The following FER variants were observed in gnomAD, a reference collection of about 807,000 sequenced individuals.
The protein encoded by FER is FER tyrosine kinase.
Under a neutral mutation model 111.0 loss-of-function variants are expected in FER, and 63 were observed. The ratio of observed to expected loss-of-function variants is 0.57; its 90% CI spans 0.46 to 0.70. The LOEUF (loss-of-function observed/expected upper bound fraction) is 0.70. FER is among the 30% of genes least tolerant of loss of function. FER has a pLI of 0.00. For missense variants in FER, 914 were observed against 954.0 expected (o/e 0.96, Z 0.55); for synonymous variants, 327 against 313.9 (o/e 1.04, Z -0.44).
chr5:109,086,126 A>G (rs942825927), intron 16 of FER, among the ~76,000 whole-genome samples: 2 of 151,606 alleles, frequency 1.3e-5, no homozygotes, highest in African/African-American at 2.4e-5. Context: ...TTTCTTAAGT[A>G]TTTTATAGAA....
chr5:108,753,493 G>C (rs1750727648), intron 1 of FER, among the ~76,000 whole-genome samples: 1 of 152,052 alleles, frequency 6.6e-6, no homozygotes, highest in Middle Eastern at 3.4e-3. Context: ...TTTTTGCCTA[G>C]ATGATCATGT....
chr5:108,969,761 A>G (rs1760386436), intron 13 of FER, among the ~76,000 whole-genome samples: 1 of 148,084 alleles, frequency 6.8e-6, no homozygotes, highest in Admixed American at 6.6e-5. Flanking sequence ...CATGCTATAT[A>G]TTGTTAAAGT....
intron 13 of FER, among the ~76,000 whole-genome samples, chr5:108,988,913 G>A (rs1277325593): frequency 6.6e-6 from 1 of 152,072 alleles, no homozygotes; most frequent in Non-Finnish European, 1.5e-5. Context: ...ACTTTTTGAT[G>A]TAGACATTTA....
In FER at chr5:109,188,615, C is replaced by T. The variant is rs969562819; in HGVS notation, c.*1040C>T. The T allele has an allele frequency of 6.6e-6, 1 of 152,050 alleles. No individual in the cohort carries two copies. The highest frequency in any genetic ancestry group is 1.5e-5 in the Non-Finnish European group (1 of 68,000). The allele number at this position is 152,050 out of a possible 1,614,324, so 9.4% of individuals were successfully genotyped here. A position where few individuals can be genotyped will look rare whatever the true frequency, so the allele number is the denominator to read the frequency against. ...ATGCCTTTCTAAACATCTAAACAAA[C>T]AAACATTCACATATTCTATTCTAAA... On this transcript the variant is annotated 3_prime_UTR_variant, in exon 20 of 20. Coordinates refer to ENST00000281092, the MANE Select transcript of FER (RefSeq NM_005246.4).
intron 1 of FER, among the ~76,000 whole-genome samples, chr5:108,760,488 T>G (rs998921445): frequency 3.3e-5 from 5 of 152,236 alleles, no homozygotes; most frequent in African/African-American, 1.2e-4. Flanking sequence ...TCATATACAC[T>G]GAAAATCTGT....
intron 3 of FER, among the ~76,000 whole-genome samples, chr5:108,813,689 A>T (rs992202425): frequency 6.6e-6 from 1 of 152,062 alleles, no homozygotes; most frequent in Admixed American, 6.6e-5. Context: ...CAGCTCAGAT[A>T]TTTTTACTTC....
At chr5:109,102,332 A>G (rs890461878) in intron 17 of FER, among the ~76,000 whole-genome samples, 1 of 152,100 alleles carries the variant, frequency 6.6e-6, no homozygotes, top group Admixed American at 6.6e-5. Context: ...AAGGTTTCCC[A>G]GTTGAACATC....
At chr5:109,000,933 A>G (rs567762919) in intron 13 of FER, among the ~76,000 whole-genome samples, 4 of 152,232 alleles carry the variant, frequency 2.6e-5, no homozygotes, top group Admixed American at 1.3e-4. Context: ...GGACACATAC[A>G]CTCTCCCAAG....
intron 13 of FER, among the ~76,000 whole-genome samples, chr5:109,016,288 A>C (rs1322609864): frequency 2.0e-5 from 3 of 152,042 alleles, no homozygotes; most frequent in Admixed American, 2.0e-4. Context: ...GGCTGATGAT[A>C]AGCTTGAAGA....
intron 10 of FER, among the ~76,000 whole-genome samples, chr5:108,901,385 A>C (rs1415042752): frequency 6.6e-6 from 1 of 152,190 alleles, no homozygotes; most frequent in Non-Finnish European, 1.5e-5. Flanking sequence ...CTGTGTAATA[A>C]AGACAGAGGC....
chr5:108,917,028 T>C (rs1752360055), intron 10 of FER, among the ~76,000 whole-genome samples: 1 of 152,178 alleles, frequency 6.6e-6, no homozygotes, highest in South Asian at 2.1e-4. Flanking sequence ...CATATAATTG[T>C]CTTTGTGTAT....
intron 17 of FER, among the ~76,000 whole-genome samples, chr5:109,124,677 T>C (rs1193848042): frequency 6.6e-6 from 1 of 152,144 alleles, no homozygotes; most frequent in African/African-American, 2.4e-5. Context: ...AAACTGTGAC[T>C]CTGGGCCAGT....
At chr5:108,908,039 A>C (rs1395249542) in intron 10 of FER, among the ~76,000 whole-genome samples, 1 of 152,208 alleles carries the variant, frequency 6.6e-6, no homozygotes, top group African/African-American at 2.4e-5. Flanking sequence ...GAACAATTTC[A>C]TTATTATTTA....
At chr5:108,981,919 G>A (rs1762051778) in intron 13 of FER, among the ~76,000 whole-genome samples, 1 of 152,060 alleles carries the variant, frequency 6.6e-6, no homozygotes, top group Non-Finnish European at 1.5e-5. Flanking sequence ...AGAGTTTATT[G>A]AATTTTTGTG....
chr5:109,151,391 G>C (rs1374392672), intron 17 of FER, among the ~76,000 whole-genome samples: 1 of 152,048 alleles, frequency 6.6e-6, no homozygotes, highest in Non-Finnish European at 1.5e-5. Flanking sequence ...AAAATGCAGA[G>C]ATTACTAAAT....
At chr5:108,943,450 T>C (rs1379945990) in intron 10 of FER, among the ~76,000 whole-genome samples, 13 of 152,178 alleles carry the variant, frequency 8.5e-5, no homozygotes, top group South Asian at 4.1e-4. Context: ...AGAACTGTTA[T>C]ATGCTTTTTG....
At chr5:108,925,632 G>A (rs1753631118) in intron 10 of FER, among the ~76,000 whole-genome samples, 1 of 151,670 alleles carries the variant, frequency 6.6e-6, no homozygotes, top group Non-Finnish European at 1.5e-5. Flanking sequence ...CCTAATTCTG[G>A]TCTTCAAATA....
chr5:108,805,588 A>T (rs927088676), intron 3 of FER, among the ~76,000 whole-genome samples: 2 of 152,202 alleles, frequency 1.3e-5, no homozygotes, highest in Non-Finnish European at 2.9e-5. Flanking sequence ...ACTGTTAGTG[A>T]TATGAACGAA....
At chr5:108,789,893 A>G (rs1215353753) in intron 2 of FER, among the ~76,000 whole-genome samples, 2 of 152,172 alleles carry the variant, frequency 1.3e-5, no homozygotes, top group African/African-American at 4.8e-5. Context: ...GTGAGCCACC[A>G]CACCTGGCCC....
Sources: allele counts gnomAD v4.1 joint callset (sites outside exome capture counted in the v4.1 genomes callset), GRCh38; gene constraint gnomAD v4.1.1; transcripts MANE v1.5; gene names NCBI Gene and HGNC (gene_info 2026-07-23, HGNC 2026-07-21).